Variants in ADAM12 observed in about 807,000 individuals in gnomAD.
ADAM12 encodes ADAM metallopeptidase domain 12.
ADAM12 carries 70 observed loss-of-function variants against 106.4 expected under a neutral mutation model. The ratio of observed to expected loss-of-function variants is 0.66; its 90% CI spans 0.54 to 0.80. ADAM12 has a LOEUF of 0.80. ADAM12 is among the 30% of genes least tolerant of loss of function. ADAM12 has a pLI of 0.00. For synonymous variants in ADAM12, 420 were observed against 433.5 expected (o/e 0.97, Z 0.39); for missense variants, 1,010 against 1,171.9 (o/e 0.86, Z 2.02).
chr10:126,066,889 G>A lies in ADAM12; in HGVS notation c.1324-83C>T, dbSNP rs1780110878. The A allele has an allele frequency of 3.7e-6, 5 of 1,348,666 alleles. No homozygotes were observed. In the East Asian group the frequency reaches 9.7e-5, roughly 26 times the overall value. The allele number at this position is 1,348,666 out of a possible 1,614,324, so 83.5% of individuals were successfully genotyped here. On this transcript the variant is annotated intron_variant, in intron 12 of 22. Transcript: ENST00000448723. This position sits in a 1 kb window ranked among gnomAD's most constrained non-coding sequence, Gnocchi z 5.1. The stretch of plus-strand genomic sequence containing the variant: ...TGCAAACATCACACCTTAAATGGCT[G>A]CAAAAAGCAAGAAAGACCAAGAGGG...
intron 3 of ADAM12, among the ~76,000 whole-genome samples, chr10:126,231,591 TA>T (rs1958313367): frequency 6.6e-6 from 1 of 152,184 alleles, no homozygotes; most frequent in African/African-American, 2.4e-5. Flanking sequence ...CTCCTGTCTC[TA>T]ATAGGGATGT....
chr10:126,288,215 C>T (rs907211191), intron 2 of ADAM12, among the ~76,000 whole-genome samples: 1 of 151,876 alleles, frequency 6.6e-6, no homozygotes, highest in African/African-American at 2.4e-5. Context: ...GTACAAGGAG[C>T]AGGGAAACCC....
chr10:126,362,423 T>C (rs1217444150), intron 1 of ADAM12, among the ~76,000 whole-genome samples: 1 of 152,096 alleles, frequency 6.6e-6, no homozygotes. Flanking sequence ...AATATTACCA[T>C]ATGACCCAGC....
chr10:126,125,998 C>A (rs1956200302), intron 5 of ADAM12, among the ~76,000 whole-genome samples: 1 of 152,034 alleles, frequency 6.6e-6, no homozygotes, highest in Admixed American at 6.6e-5. Flanking sequence ...GCTGAAGAAA[C>A]CAACCCTGCT....
At chr10:126,383,400 C>T (rs1856556957) in intron 1 of ADAM12, among the ~76,000 whole-genome samples, 1 of 152,002 alleles carries the variant, frequency 6.6e-6, no homozygotes, top group African/African-American at 2.4e-5. Flanking sequence ...CAGCTAATAG[C>T]AGTTTCAGAA....
At chr10:126,169,593 A>T (rs1293797768) in intron 3 of ADAM12, among the ~76,000 whole-genome samples, 1 of 152,172 alleles carries the variant, frequency 6.6e-6, no homozygotes, top group African/African-American at 2.4e-5. Flanking sequence ...CTCTAAAAAA[A>T]ATAAAATAAA....
In ADAM12 at chr10:126,043,459, A is replaced by G. The variant is rs2133418792; in HGVS notation, c.1996-311T>C. ...TCCATCTCCCCATCTTCCTTTTTCA[A>G]TCTGGAAAACTGTCTGACCATGAGG... On this transcript the variant is annotated intron_variant, in intron 17 of 22. Coordinates refer to ENST00000448723, the MANE Select transcript of ADAM12 (RefSeq NM_001288973.2). The surrounding 1 kb of genome is among the most constrained non-coding windows in gnomAD (Gnocchi z 4.1). Among the ~76,000 whole-genome samples, 1 of 152,050 alleles carries G rather than the reference A, an allele frequency of 6.6e-6. No homozygotes were observed. The highest frequency in any genetic ancestry group is 1.9e-4 in the East Asian group (1 of 5,142).
intron 11 of ADAM12, among the ~76,000 whole-genome samples, chr10:126,081,399 A>T (rs370014635): frequency 4.6e-5 from 7 of 152,356 alleles, no homozygotes; most frequent in African/African-American, 1.7e-4. Flanking sequence ...AAAACAAAAC[A>T]AAAAACAACC....
At chr10:126,210,938 C>T (rs1449719317) in intron 3 of ADAM12, among the ~76,000 whole-genome samples, 1 of 152,144 alleles carries the variant, frequency 6.6e-6, no homozygotes, top group Non-Finnish European at 1.5e-5. Context: ...CAATATCCTC[C>T]ATATTTTCCT....
At chr10:126,162,580 C>A (rs1196092742) in intron 3 of ADAM12, among the ~76,000 whole-genome samples, 1 of 152,048 alleles carries the variant, frequency 6.6e-6, no homozygotes, top group African/African-American at 2.4e-5. Flanking sequence ...AGCTTCAGAG[C>A]CACAGGTGGT....
In ADAM12 at chr10:126,019,702, G is replaced by T. The variant is rs150268596; in HGVS notation, c.2653C>A (p.Pro885Thr). Residue 885 changes from proline (P) to threonine (T), a missense_variant, in exon 22 of 23, where the codon CCC (proline) becomes ACC (threonine). Physicochemically the swap from Pro to Thr is conservative, Grantham distance 38. Around this residue, in one of 3 missense-constraint regions of ADAM12, gnomAD observed 615 missense variants for 708.5 expected, o/e 0.87. Transcript: ENST00000448723. ...ATGGCATGTCACACAAACCTGAGGG[G>T]TGCCAGGCGGAGCCCAGTCTCCCAT... is the stretch of plus-strand genomic sequence containing the variant. Reference protein sequence around the residue: ...GQWETGLRLAPLRPAPQYPHQ... With the variant: ...GQWETGLRLATLRPAPQYPHQ... 6.2e-7 allele frequency: 1 copy of T among 1,613,808 alleles called. No individual in the cohort carries two copies. Among genetic ancestry groups the T allele is most frequent in the Non-Finnish European group, 8.5e-7 (1 of 1,179,772 alleles).
intron 3 of ADAM12, among the ~76,000 whole-genome samples, chr10:126,159,580 G>A (rs957107977): frequency 2.6e-5 from 4 of 152,000 alleles, no homozygotes; most frequent in Admixed American, 2.6e-4. Context: ...TACATCATTC[G>A]AAGGCTTCTG....
At chr10:126,311,377 G>A (rs754748463) in intron 2 of ADAM12, among the ~76,000 whole-genome samples, 50 of 152,146 alleles carry the variant, frequency 3.3e-4, no homozygotes, top group Admixed American at 7.2e-4. Context: ...CAGTGCTTAG[G>A]GCACAGCACT....
chr10:126,031,809 C>T (rs1259279493), intron 21 of ADAM12, among the ~76,000 whole-genome samples: 2 of 152,174 alleles, frequency 1.3e-5, no homozygotes, highest in African/African-American at 4.8e-5. Flanking sequence ...AAGATCTCCA[C>T]CTCTGCAGAA....
At chr10:126,070,818 G>A (rs891781623) in intron 12 of ADAM12, among the ~76,000 whole-genome samples, 1 of 152,064 alleles carries the variant, frequency 6.6e-6, no homozygotes, top group Non-Finnish European at 1.5e-5. Context: ...TTTCCTTCTT[G>A]AGATTATTCA....
intron 3 of ADAM12, among the ~76,000 whole-genome samples, chr10:126,225,853 C>T (rs1236362016): frequency 6.6e-6 from 1 of 152,150 alleles, no homozygotes; most frequent in African/African-American, 2.4e-5. Flanking sequence ...ACCCTTACAA[C>T]GATGTTACGA....
chr10:126,121,394 TATAA>T (rs1956107625), intron 5 of ADAM12, among the ~76,000 whole-genome samples: 2 of 128,284 alleles, frequency 1.6e-5, no homozygotes, highest in Non-Finnish European at 3.1e-5. Context: ...ATATGCAATA[TATAA>T]TATATTGCAT....
At chr10:126,339,520 T>C (rs912849243) in intron 1 of ADAM12, among the ~76,000 whole-genome samples, 2 of 152,214 alleles carry the variant, frequency 1.3e-5, no homozygotes, top group Admixed American at 1.3e-4. Flanking sequence ...AAGATGCTCC[T>C]AGTACTTAAC....
chr10:126,360,362 T>C (rs1178401278), intron 1 of ADAM12, among the ~76,000 whole-genome samples: 1 of 152,190 alleles, frequency 6.6e-6, no homozygotes, highest in East Asian at 1.9e-4. Context: ...CTGCAAATTT[T>C]CCAAACTTTT....
Sources: gnomAD v4.1 joint callset for allele counts (sites outside exome capture counted in the v4.1 genomes callset) on GRCh38, gnomAD v4.1.1 for gene constraint, gnomAD v4.1.1 regional missense constraint, Gnocchi (gnomAD v3.1) non-coding constraint, MANE v1.5 for transcripts, NCBI Gene and HGNC (gene_info 2026-07-23, HGNC 2026-07-21) for gene names.